The following KCNIP1 variants were observed in gnomAD, a reference collection of about 807,000 sequenced individuals.
KCNIP1 encodes the protein potassium voltage-gated channel interacting protein 1, also known as A-type potassium channel modulatory protein KCNIP1.
Under a neutral mutation model 33.0 loss-of-function variants are expected in KCNIP1, and 18 were observed. The observed-to-expected ratio is 0.55, with a 90% CI of 0.38 to 0.81. The LOEUF (loss-of-function observed/expected upper bound fraction) is 0.81, where lower values mean the gene tolerates loss of function less well. Ranked by LOEUF, KCNIP1 falls within the 30% of genes least tolerant of loss-of-function variation. The pLI is 0.00. For missense variants in KCNIP1, 238 were observed against 271.6 expected, an observed-to-expected ratio of 0.88 and a Z score of 0.87; for synonymous variants, 93 against 98.3, an observed-to-expected ratio of 0.95 and a Z score of 0.32.
At chr5:170,581,031 C>T (rs891290529) in intron 1 of KCNIP1, among the ~76,000 whole-genome samples, 11 of 152,136 alleles carry the variant, frequency 7.2e-5, no homozygotes, top group African/African-American at 2.2e-4. Flanking sequence ...TCTATTGTAA[C>T]GCACAGGAGT....
At chr5:170,707,094 G>T (rs1763280151) in intron 1 of KCNIP1, among the ~76,000 whole-genome samples, 1 of 151,032 alleles carries the variant, frequency 6.6e-6, no homozygotes, top group Admixed American at 6.6e-5. Context: ...GCAGGATTGG[G>T]ACGTCATTTG....
chr5:170,456,716 T>TCTTTCTTTCTTTCTTTCTTTCTTTCTTC, intron 1 of KCNIP1, among the ~76,000 whole-genome samples: 1 of 150,764 alleles, frequency 6.6e-6, no homozygotes, highest in African/African-American at 2.5e-5. Flanking sequence ...TTTCTTTCTT[T>TCTTTCTTTCTTTCTTTCTTTCTTTCTTC]CTTTCTTTCT....
At chr5:170,456,005 C>A (rs540717199) in intron 1 of KCNIP1, among the ~76,000 whole-genome samples, 278 of 152,292 alleles carry the variant, frequency 1.8e-3, no homozygotes, top group African/African-American at 6.2e-3. Context: ...AAGACACATG[C>A]ATACATATAT....
At chr5:170,377,928 C>T (rs767244007) in intron 1 of KCNIP1, 1 of 152,046 alleles carries the variant, frequency 6.6e-6, no homozygotes, top group Non-Finnish European at 1.5e-5. Context: ...TGGAACCCAA[C>T]TCCGTCCCCA....
chr5:170,492,841 C>T (rs1392874631), intron 1 of KCNIP1, among the ~76,000 whole-genome samples: 1 of 152,156 alleles, frequency 6.6e-6, no homozygotes, highest in African/African-American at 2.4e-5. Flanking sequence ...CATCTGCCTC[C>T]CAGGTTCAAG....
At chr5:170,543,990 A>AG (rs1206981975) in intron 1 of KCNIP1, among the ~76,000 whole-genome samples, 1 of 152,230 alleles carries the variant, frequency 6.6e-6, no homozygotes, top group Non-Finnish European at 1.5e-5. Flanking sequence ...GTAAAACTTA[A>AG]GCGTGCATAA....
At chr5:170,366,185 C>T (rs955817259) in intron 1 of KCNIP1, among the ~76,000 whole-genome samples, 5 of 152,212 alleles carry the variant, frequency 3.3e-5, no homozygotes, top group African/African-American at 1.2e-4. Context: ...TCTTCATGTC[C>T]AGAACCTTTA....
At position 170,389,364 on chromosome 5, in the gene KCNIP1, C is replaced by T. The variant is rs541277924; in HGVS notation, c.88+35400C>T. ...CACAGAGCTTCAGCAGGAAGTTTGG[C>T]CTCCCCGCCCGTCTCCAGGGAAGCA... On this transcript the variant is annotated intron_variant, in intron 1 of 7. Coordinates refer to the KCNIP1 transcript ENST00000377360. 2.7e-5 allele frequency: 4 copies of T among 145,886 alleles called. No homozygotes were observed. In the South Asian group the frequency reaches 8.8e-4, roughly 32 times the overall value. 9.0% of individuals were successfully genotyped at this position (145,886 alleles called of 1,614,324 possible). A position where few individuals can be genotyped will look rare whatever the true frequency, so the allele number is the denominator to read the frequency against.
intron 1 of KCNIP1, among the ~76,000 whole-genome samples, chr5:170,714,869 C>T (rs768238595): frequency 6.6e-6 from 1 of 151,742 alleles, no homozygotes; most frequent in Non-Finnish European, 1.5e-5. Context: ...TTAGAGTAAG[C>T]TAAGGTTAAT....
intron 1 of KCNIP1, among the ~76,000 whole-genome samples, chr5:170,487,038 C>G (rs952471103): frequency 6.6e-6 from 1 of 152,138 alleles, no homozygotes; most frequent in African/African-American, 2.4e-5. Context: ...TGCACACACA[C>G]AGACATATCT....
chr5:170,662,060 T>C (rs1197089194), intron 1 of KCNIP1, among the ~76,000 whole-genome samples: 2 of 152,152 alleles, frequency 1.3e-5, no homozygotes, highest in African/African-American at 2.4e-5. Context: ...CAAATGACCA[T>C]AGCCAGCATT....
intron 1 of KCNIP1, among the ~76,000 whole-genome samples, chr5:170,401,928 C>G (rs1326309767): frequency 1.3e-5 from 2 of 152,126 alleles, no homozygotes; most frequent in African/African-American, 4.8e-5. Context: ...CCTCACAGCT[C>G]TGGAGGCCAG....
intron 1 of KCNIP1, among the ~76,000 whole-genome samples, chr5:170,535,310 C>T (rs1755943510): frequency 6.6e-6 from 1 of 152,148 alleles, no homozygotes; most frequent in Non-Finnish European, 1.5e-5. Flanking sequence ...AGCGGGGTGC[C>T]CTTGGGTGAA....
At chr5:170,528,961 A>G (rs969087875) in intron 1 of KCNIP1, among the ~76,000 whole-genome samples, 11 of 152,214 alleles carry the variant, frequency 7.2e-5, no homozygotes, top group African/African-American at 2.7e-4. Flanking sequence ...CCTAACCCCA[A>G]AGATTGCCCC....
intron 1 of KCNIP1, among the ~76,000 whole-genome samples, chr5:170,623,440 G>A (rs1476062312): frequency 6.6e-6 from 1 of 151,886 alleles, no homozygotes; most frequent in East Asian, 1.9e-4. Flanking sequence ...TTGAACTCCC[G>A]ACCTCAAGTG....
Position 170,504,661 on chromosome 5 carries a change from C to G in KCNIP1, c.61+28C>G. On this transcript the variant is annotated intron_variant, in intron 1 of 7. Transcript: ENST00000328939. This position sits in a 1 kb window ranked among gnomAD's most constrained non-coding sequence, Gnocchi z 6.0. ...AAGCCACCTTCTTCCTTTTGTTCCCCTGTCTGGGCTTGGGGGTGCTAGGCG... is the reference window on the plus strand; with the variant it reads ...AAGCCACCTTCTTCCTTTTGTTCCCGTGTCTGGGCTTGGGGGTGCTAGGCG... 6.3e-7 allele frequency: 1 copy of G among 1,598,308 alleles called. No individual in the cohort carries two copies. Among genetic ancestry groups the G allele is most frequent in the South Asian group, 1.1e-5 (1 of 90,756 alleles).
rs1754626060 is a variant in KCNIP1, at chr5:170,504,498, A to G, written c.-75A>G. On this transcript the variant is annotated 5_prime_UTR_variant, in exon 1 of 8. Coordinates refer to ENST00000328939, the MANE Select transcript of KCNIP1 (RefSeq NM_014592.4). This position sits in a 1 kb window ranked among gnomAD's most constrained non-coding sequence, Gnocchi z 6.0. The stretch of plus-strand genomic sequence containing the variant: ...CTCTCCTCCAATTCAGAGTAGACAA[A>G]CCACGGGGATTTCTTTCCAGGGTAG... 6.2e-7 allele frequency: 1 copy of G among 1,603,892 alleles called. No individual in the cohort carries two copies.
chr5:170,380,541 C>A (rs530586422), intron 1 of KCNIP1, among the ~76,000 whole-genome samples: 2 of 152,320 alleles, frequency 1.3e-5, no homozygotes, highest in African/African-American at 4.8e-5. Flanking sequence ...AGGAGGGTTG[C>A]ACTGTAGTTC....
At chr5:170,434,406 G>C (rs998448004) in intron 1 of KCNIP1, among the ~76,000 whole-genome samples, 1 of 152,194 alleles carries the variant, frequency 6.6e-6, no homozygotes, top group African/African-American at 2.4e-5. Context: ...GGAGTGAGAG[G>C]CCTCCTGGGG....
Sources: gnomAD v4.1 joint callset for allele counts (sites outside exome capture counted in the v4.1 genomes callset) on GRCh38, gnomAD v4.1.1 for gene constraint, Gnocchi (gnomAD v3.1) non-coding constraint, MANE v1.5 for transcripts, NCBI Gene and HGNC (gene_info 2026-07-23, HGNC 2026-07-21) for gene names.